ZNF385D: variants seen among roughly 807,000 people sequenced by gnomAD.
The protein encoded by ZNF385D is zinc finger protein 659.
In ZNF385D, 15 loss-of-function variants were observed where a neutral mutation model predicts 35.8. That is an observed-to-expected ratio of 0.42 (90% CI 0.28 to 0.64). ZNF385D has a LOEUF of 0.64. ZNF385D is among the 30% of genes least tolerant of loss of function. The pLI is 0.23. For missense variants in ZNF385D, 474 were observed against 494.6 expected, an observed-to-expected ratio of 0.96 and a Z score of 0.39; for synonymous variants, 212 against 186.8, an observed-to-expected ratio of 1.13 and a Z score of -1.10.
chr3:21,442,698 T>G (rs1701923082), intron 4 of ZNF385D, among the ~76,000 whole-genome samples: 1 of 151,066 alleles, frequency 6.6e-6, no homozygotes, highest in Non-Finnish European at 1.5e-5. Flanking sequence ...ATAAAAAAAG[T>G]TCCTACAGGG....
At chr3:21,865,514 A>G (rs929524465) in intron 3 of ZNF385D, among the ~76,000 whole-genome samples, 1 of 152,130 alleles carries the variant, frequency 6.6e-6, no homozygotes, top group Non-Finnish European at 1.5e-5. Flanking sequence ...GCTCCAGCAG[A>G]ACTTGCAGAT....
chr3:21,521,781 A>G (rs1189527961), intron 3 of ZNF385D, among the ~76,000 whole-genome samples: 6 of 152,196 alleles, frequency 3.9e-5, no homozygotes, highest in Non-Finnish European at 8.8e-5. Flanking sequence ...CTCTATAAAA[A>G]AATACCATAG....
intron 3 of ZNF385D, among the ~76,000 whole-genome samples, chr3:22,101,224 A>G (rs1313763366): frequency 6.6e-6 from 1 of 152,114 alleles, no homozygotes; most frequent in African/African-American, 2.4e-5. Flanking sequence ...AATTTCTCAC[A>G]AAGTCATGAA....
chr3:21,788,178 A>C (rs528397160), intron 3 of ZNF385D, among the ~76,000 whole-genome samples: 1 of 152,184 alleles, frequency 6.6e-6, no homozygotes, highest in East Asian at 1.9e-4. Flanking sequence ...TCGAGTAGAA[A>C]TAGAAAGATA....
At chr3:22,197,966 C>T (rs537688661) in intron 2 of ZNF385D, among the ~76,000 whole-genome samples, 87 of 152,218 alleles carry the variant, frequency 5.7e-4, no homozygotes, top group Non-Finnish European at 1.1e-3. Flanking sequence ...CATACAACCA[C>T]TTTGTCATAG....
intron 2 of ZNF385D, among the ~76,000 whole-genome samples, chr3:22,211,053 A>C (rs970314591): frequency 6.6e-6 from 1 of 151,958 alleles, no homozygotes; most frequent in African/African-American, 2.4e-5. Context: ...AATCTTTTCT[A>C]AATTCTCCAA....
intron 3 of ZNF385D, among the ~76,000 whole-genome samples, chr3:21,843,720 T>A (rs895839190): frequency 2.0e-5 from 3 of 151,944 alleles, no homozygotes; most frequent in African/African-American, 7.2e-5. Flanking sequence ...ATTACCAATT[T>A]TGAAAAGAAA....
chr3:22,087,586 C>G (rs974288751), intron 3 of ZNF385D, among the ~76,000 whole-genome samples: 2 of 152,076 alleles, frequency 1.3e-5, no homozygotes, highest in Non-Finnish European at 2.9e-5. Flanking sequence ...TTATTAGTAA[C>G]GATTCTTCAA....
At chr3:22,305,445 T>A (rs1005003399) in intron 2 of ZNF385D, among the ~76,000 whole-genome samples, 31 of 152,176 alleles carry the variant, frequency 2.0e-4, no homozygotes, top group African/African-American at 7.5e-4. Context: ...CTCAGTGGCT[T>A]AAAGCAGTAG....
At chr3:22,092,622 A>C (rs1048190579) in intron 3 of ZNF385D, among the ~76,000 whole-genome samples, 1 of 152,096 alleles carries the variant, frequency 6.6e-6, no homozygotes, top group African/African-American at 2.4e-5. Flanking sequence ...TCTATTATGT[A>C]TCAATTCAGC....
intron 3 of ZNF385D, among the ~76,000 whole-genome samples, chr3:21,868,344 C>T (rs1697496823): frequency 1.3e-5 from 2 of 152,060 alleles, no homozygotes; most frequent in South Asian, 4.1e-4. Context: ...GACCCCTGCT[C>T]ATGATAATTC....
rs556580975 is a variant in ZNF385D, at chr3:21,997,111, A to G, written c.325+171706T>C. 5.3e-5 allele frequency among the ~76,000 whole-genome samples: 8 copies of G among 152,318 alleles called. 1 individual carries two copies. The South Asian group carries it at 1.5e-3, about 28-fold the overall frequency. ...TTGGAACCAACCCAAATGTCCATCA[A>G]TGATAGACTGGATTAAGAAAATATG... On this transcript the variant is annotated intron_variant, in intron 3 of 5. Transcript: ENST00000494108.
At chr3:21,423,282 C>T (rs192375849) in intron 7 of ZNF385D, among the ~76,000 whole-genome samples, 26 of 152,330 alleles carry the variant, frequency 1.7e-4, no homozygotes, top group Middle Eastern at 3.4e-3. Flanking sequence ...CAGCACATAA[C>T]AGCATCCAAT....
At chr3:22,313,137 AC>A (rs1703671859) in intron 2 of ZNF385D, among the ~76,000 whole-genome samples, 1 of 151,992 alleles carries the variant, frequency 6.6e-6, no homozygotes, top group South Asian at 2.1e-4. Flanking sequence ...TTCTCAGCAA[AC>A]TATCGCCAAG....
intron 3 of ZNF385D, among the ~76,000 whole-genome samples, chr3:21,906,713 G>A (rs1304942093): frequency 1.3e-5 from 2 of 152,114 alleles, no homozygotes; most frequent in Non-Finnish European, 2.9e-5. Context: ...CTTTCCAGGT[G>A]TTTGGCTTTT....
intron 3 of ZNF385D, among the ~76,000 whole-genome samples, chr3:22,038,331 T>C (rs1698461826): frequency 6.6e-6 from 1 of 152,188 alleles, no homozygotes; most frequent in African/African-American, 2.4e-5. Context: ...GGAGTCGAAT[T>C]GCCTAGCTTA....
At chr3:21,572,078 C>T (rs1339975289) in intron 2 of ZNF385D, among the ~76,000 whole-genome samples, 1 of 152,106 alleles carries the variant, frequency 6.6e-6, no homozygotes, top group East Asian at 1.9e-4. Flanking sequence ...GCTCAAAGCC[C>T]CAGTCCTTGA....
At chr3:22,043,051 T>A (rs375948923) in intron 3 of ZNF385D, among the ~76,000 whole-genome samples, 1 of 152,134 alleles carries the variant, frequency 6.6e-6, no homozygotes. Context: ...AAGTCCATTG[T>A]GGCTGACTGT....
intron 3 of ZNF385D, among the ~76,000 whole-genome samples, chr3:22,117,911 T>G (rs943795819): frequency 6.6e-6 from 1 of 152,074 alleles, no homozygotes; most frequent in African/African-American, 2.4e-5. Flanking sequence ...GTGGCACAAT[T>G]TCTTAACATC....
Sources: gnomAD v4.1 joint callset for allele counts (sites outside exome capture counted in the v4.1 genomes callset) on GRCh38, gnomAD v4.1.1 for gene constraint, MANE v1.5 for transcripts, NCBI Gene and HGNC (gene_info 2026-07-23, HGNC 2026-07-21) for gene names.